ZNF486: variants seen among roughly 807,000 people sequenced by gnomAD.
The protein encoded by ZNF486 is zinc finger protein 486, also known as KRAB box only protein 2.
ZNF486 carries 12 observed loss-of-function variants against 12.8 expected under a neutral mutation model. The observed-to-expected ratio is 0.94, with a 90% CI of 0.60 to 1.52. The LOEUF (loss-of-function observed/expected upper bound fraction) is 1.52, where lower values mean the gene tolerates loss of function less well. Ranked by LOEUF, ZNF486 falls within the 40% of genes most tolerant of loss-of-function variation. ZNF486 has a pLI of 0.00. For synonymous variants in ZNF486, 231 were observed against 184.9 expected (o/e 1.25, Z -2.02); for missense variants, 738 against 545.0 (o/e 1.35, Z -3.53).
At chr19:20,182,020 C>T (rs2089792968) in intron 1 of ZNF486, among the ~76,000 whole-genome samples, 1 of 152,224 alleles carries the variant, frequency 6.6e-6, no homozygotes, top group Non-Finnish European at 1.5e-5. Context: ...TACAGACTTA[C>T]TCTGTCATTT....
At chr19:20,190,293 T>G (rs1234779612) in intron 3 of ZNF486, among the ~76,000 whole-genome samples, 1 of 152,244 alleles carries the variant, frequency 6.6e-6, no homozygotes, top group Non-Finnish European at 1.5e-5. Flanking sequence ...ATTCACATAT[T>G]TTTGAATTTG....
chr19:20,197,449 T>C lies in ZNF486; in HGVS notation c.739T>C (p.Phe247Leu). The C allele has an allele frequency of 5.0e-6, 8 of 1,613,302 alleles. No homozygotes were observed. Among genetic ancestry groups the C allele is most frequent in the Non-Finnish European group, 6.8e-6 (8 of 1,179,746 alleles). ...PYKCEECGKV[F>L]KYFSSFTTHK... The stretch of plus-strand genomic sequence containing the variant: ...CAAATGTGAAGAATGTGGCAAAGTC[T>C]TTAAGTACTTCTCTAGCTTTACTAC... The change falls in exon 4 of 4, where the codon TTT (phenylalanine) becomes CTT (leucine). Residue 247 changes from phenylalanine to leucine, a missense_variant. Physicochemically the swap from Phe to Leu is conservative, Grantham distance 22. Transcript: ENST00000335117.
At chr19:20,185,764 C>T (rs2089835905) in intron 2 of ZNF486, among the ~76,000 whole-genome samples, 1 of 146,108 alleles carries the variant, frequency 6.8e-6, no homozygotes. Flanking sequence ...ATTGTATGAT[C>T]TATAAACAGC....
intron 1 of ZNF486, chr19:20,174,863 T>C (rs2089688319): frequency 6.6e-6 from 1 of 152,238 alleles, no homozygotes; most frequent in Non-Finnish European, 1.5e-5. Context: ...TTTTAGTGTC[T>C]TTTATTTCAT....
chr19:20,197,290 T>C lies in ZNF486; in HGVS notation c.580T>C (p.Ser194Pro). ...YIEGDKAFNQSSTHTTHKKID... is the reference protein window; with the variant it reads ...YIEGDKAFNQPSTHTTHKKID... Reference sequence around the variant, plus strand: ...AGAAGGTGACAAAGCTTTTAACCAGTCCTCAACCCATACTACACATAAAAA... The same window carrying C: ...AGAAGGTGACAAAGCTTTTAACCAGCCCTCAACCCATACTACACATAAAAA... The change falls in exon 4 of 4, where the codon TCC (serine) becomes CCC (proline). Residue 194 changes from serine to proline, a missense_variant. Physicochemically the swap from Ser to Pro is moderately conservative, Grantham distance 74 (BLOSUM62 -1). Coordinates refer to ENST00000335117, the MANE Select transcript of ZNF486 (RefSeq NM_052852.4). The C allele has an allele frequency of 3.1e-6, 5 of 1,611,634 alleles. No homozygotes were observed. The highest frequency in any genetic ancestry group is 4.2e-6 in the Non-Finnish European group (5 of 1,179,250).
In ZNF486 at chr19:20,198,203, A is replaced by C; in HGVS notation, c.*101A>C. On this transcript the variant is annotated 3_prime_UTR_variant, in exon 4 of 4. Coordinates refer to ENST00000335117, the MANE Select transcript of ZNF486 (RefSeq NM_052852.4). ...ATAATTTTGGCTCACCACAACCTCC[A>C]CCTTCTGGGTTCAAGTAACTCTCCT... is the stretch of plus-strand genomic sequence containing the variant. The C allele has an allele frequency of 2.0e-6, 2 of 1,002,426 alleles. No homozygotes were observed. Among genetic ancestry groups the C allele is most frequent in the Non-Finnish European group, 2.9e-6 (2 of 690,056 alleles). 62.1% of individuals were successfully genotyped at this position (1,002,426 alleles called of 1,614,324 possible). A position where few individuals can be genotyped will look rare whatever the true frequency, so the allele number is the denominator to read the frequency against.
chr19:20,183,428 GA>G (rs2089807925), intron 1 of ZNF486, among the ~76,000 whole-genome samples: 1 of 152,210 alleles, frequency 6.6e-6, no homozygotes, highest in African/African-American at 2.4e-5. Flanking sequence ...GGTGCTAAAT[GA>G]AGCCTACTTA....
intron 2 of ZNF486, among the ~76,000 whole-genome samples, chr19:20,185,225 T>C (rs1402527570): frequency 2.0e-5 from 3 of 152,084 alleles, no homozygotes; most frequent in Non-Finnish European, 1.5e-5. Flanking sequence ...TTTACCTTCT[T>C]AGTAATTTTT....
At chr19:20,167,388 A>G (rs782809863) in intron 1 of ZNF486, 28 bp downstream of exon 1, 10 of 1,611,136 alleles carry the variant, frequency 6.2e-6, no homozygotes, top group Non-Finnish European at 7.6e-6. Context: ...ACATCCTGAG[A>G]GAGGGGAGGG....
At chr19:20,196,313 GT>G (rs1555717923) in intron 3 of ZNF486, among the ~76,000 whole-genome samples, 1 of 152,124 alleles carries the variant, frequency 6.6e-6, no homozygotes, top group African/African-American at 2.4e-5. Context: ...ATCATGCCTT[GT>G]TGGCAATTTA....
In ZNF486 at chr19:20,167,325, G is replaced by A. The variant is rs1814434888; in HGVS notation, c.-6G>A. On this transcript the variant is annotated 5_prime_UTR_variant, in exon 1 of 4. Coordinates refer to ENST00000335117, the MANE Select transcript of ZNF486 (RefSeq NM_052852.4). Reference sequence around the variant, plus strand: ...TCCTGTAGGTATTGGGAGATCCACAGCCAAGATGCCGGGACCCCTTAGAAG... The same window carrying A: ...TCCTGTAGGTATTGGGAGATCCACAACCAAGATGCCGGGACCCCTTAGAAG... The A allele has an allele frequency of 6.2e-7, 1 of 1,613,978 alleles. No individual in the cohort carries two copies. Among genetic ancestry groups the A allele is most frequent in the African/African-American group, 1.3e-5 (1 of 74,936 alleles).
At chr19:20,167,571 C>T (rs1469224628) in intron 1 of ZNF486, among the ~76,000 whole-genome samples, 4 of 152,186 alleles carry the variant, frequency 2.6e-5, no homozygotes, top group African/African-American at 7.2e-5. Context: ...GCGCAGTGAC[C>T]GTGCCCTGGC....
chr19:20,191,464 A>G (rs1425614115), intron 3 of ZNF486, among the ~76,000 whole-genome samples: 6 of 116,068 alleles, frequency 5.2e-5, no homozygotes, highest in Admixed American at 8.9e-5. Flanking sequence ...GATTCCTTCA[A>G]AAAAAAAAAA....
intron 1 of ZNF486, among the ~76,000 whole-genome samples, chr19:20,182,070 A>G (rs1555715672): frequency 6.6e-6 from 1 of 152,210 alleles, no homozygotes; most frequent in Non-Finnish European, 1.5e-5. Context: ...AGAGCCAGCG[A>G]AGCATATAAA....
chr19:20,168,415 G>A (rs1404820892), intron 1 of ZNF486, among the ~76,000 whole-genome samples: 4 of 152,336 alleles, frequency 2.6e-5, no homozygotes, highest in Admixed American at 1.3e-4. Flanking sequence ...AGCACTTTGG[G>A]AGGCCAAGGC....
At chr19:20,177,718 G>T (rs559660592) in intron 1 of ZNF486, among the ~76,000 whole-genome samples, 1 of 152,138 alleles carries the variant, frequency 6.6e-6, no homozygotes, top group Non-Finnish European at 1.5e-5. Flanking sequence ...GGGATTGCAG[G>T]CATGTGCCAC....
intron 3 of ZNF486, among the ~76,000 whole-genome samples, chr19:20,193,634 C>G (rs2089924958): frequency 6.6e-6 from 1 of 151,700 alleles, no homozygotes; most frequent in Admixed American, 6.6e-5. Flanking sequence ...GTACTCCAGC[C>G]TGGACAACAG....
At chr19:20,185,795 C>T (rs2089836560) in intron 2 of ZNF486, among the ~76,000 whole-genome samples, 192 bp from the exon 3 acceptor site, 1 of 143,426 alleles carries the variant, frequency 7.0e-6, no homozygotes, top group Non-Finnish European at 1.5e-5. Context: ...TTATTTTACT[C>T]CATCTCCAAA....
intron 3 of ZNF486, among the ~76,000 whole-genome samples, chr19:20,195,226 T>C (rs1360134467): frequency 1.3e-5 from 2 of 151,960 alleles, no homozygotes; most frequent in African/African-American, 4.8e-5. Context: ...CGCAGTACAG[T>C]GGTACAATCT....
Sources: gnomAD v4.1 joint callset for allele counts (sites outside exome capture counted in the v4.1 genomes callset) on GRCh38, gnomAD v4.1.1 for gene constraint, MANE v1.5 for transcripts, NCBI Gene and HGNC (gene_info 2026-07-23, HGNC 2026-07-21) for gene names.